The following SEZ6L variants were observed in gnomAD, a reference collection of about 807,000 sequenced individuals.
The protein encoded by SEZ6L is seizure related 6 homolog like.
In SEZ6L, 37 loss-of-function variants were observed where a neutral mutation model predicts 106.2. The ratio of observed to expected loss-of-function variants is 0.35; its 90% CI spans 0.27 to 0.46. The LOEUF (loss-of-function observed/expected upper bound fraction) is 0.46. SEZ6L is among the 20% of genes least tolerant of loss of function. The pLI is 1.00. For missense variants in SEZ6L, 1,172 were observed against 1,332.8 expected (o/e 0.88, Z 1.88); for synonymous variants, 541 against 570.4 (o/e 0.95, Z 0.73).
intron 1 of SEZ6L, among the ~76,000 whole-genome samples, chr22:26,252,103 A>G (rs1475312149): frequency 6.6e-6 from 1 of 152,112 alleles, no homozygotes; most frequent in East Asian, 1.9e-4. Flanking sequence ...AGAAATGCAG[A>G]CGCTTGGATC....
intron 9 of SEZ6L, among the ~76,000 whole-genome samples, chr22:26,327,185 C>T (rs532902585): frequency 1.1e-4 from 17 of 152,040 alleles, no homozygotes; most frequent in African/African-American, 4.1e-4. Flanking sequence ...TGCACACGTG[C>T]GTGTCTGTGT....
chr22:26,234,003 CT>C (rs1415053214), intron 1 of SEZ6L, among the ~76,000 whole-genome samples: 5 of 152,198 alleles, frequency 3.3e-5, no homozygotes, highest in African/African-American at 1.2e-4. Context: ...GGAAGTGAGG[CT>C]GGGAAGCCAG....
chr22:26,244,716 A>G (rs541917204), intron 1 of SEZ6L: 3 of 133,890 alleles, frequency 2.2e-5, no homozygotes, highest in East Asian at 2.3e-4. Context: ...AAAAGTTGGC[A>G]CTTTTTATTC....
At chr22:26,287,391 C>G (rs992280244) in intron 1 of SEZ6L, among the ~76,000 whole-genome samples, 1 of 152,072 alleles carries the variant, frequency 6.6e-6, no homozygotes, top group African/African-American at 2.4e-5. Context: ...AGTGAACACC[C>G]AACACTTTGA....
intron 10 of SEZ6L, among the ~76,000 whole-genome samples, chr22:26,345,965 T>C (rs2146001570): frequency 6.6e-6 from 1 of 152,286 alleles, no homozygotes; most frequent in East Asian, 1.9e-4. Context: ...TCACTAATGA[T>C]ATGCAATTGG....
chr22:26,332,147 G>GTTTTTTTTTTT (rs752520660), intron 9 of SEZ6L, among the ~76,000 whole-genome samples: 1 of 114,108 alleles, frequency 8.8e-6, no homozygotes, highest in African/African-American at 3.4e-5. Context: ...GATTTTCAAT[G>GTTTTTTTTTTT]TTTTTTTTTT....
chr22:26,331,266 T>C (rs1396828359), intron 9 of SEZ6L, among the ~76,000 whole-genome samples: 1 of 152,228 alleles, frequency 6.6e-6, no homozygotes, highest in Non-Finnish European at 1.5e-5. Flanking sequence ...TTGCATTCTA[T>C]CCTCACCTCT....
At chr22:26,361,195 T>A (rs1035560494) in intron 12 of SEZ6L, among the ~76,000 whole-genome samples, 4 of 152,074 alleles carry the variant, frequency 2.6e-5, no homozygotes, top group Non-Finnish European at 5.9e-5. Context: ...TCAATAGAAA[T>A]TTTTAAAAAT....
intron 9 of SEZ6L, among the ~76,000 whole-genome samples, chr22:26,325,395 A>T (rs1358617956): frequency 1.3e-5 from 2 of 152,218 alleles, no homozygotes; most frequent in South Asian, 4.1e-4. Context: ...ATGAGATCTG[A>T]GCATCATTAT....
intron 1 of SEZ6L, among the ~76,000 whole-genome samples, chr22:26,223,904 T>A (rs2078560479): frequency 6.6e-6 from 1 of 152,194 alleles, no homozygotes. Flanking sequence ...TGGTACAGTC[T>A]GGATCTGATA....
intron 9 of SEZ6L, among the ~76,000 whole-genome samples, 190 bp downstream of exon 9, chr22:26,314,092 A>T (rs1441519198): frequency 7.3e-6 from 1 of 137,108 alleles, no homozygotes; most frequent in African/African-American, 3.4e-5. Context: ...ACACACACAC[A>T]CACAGAGAGA....
chr22:26,249,854 A>G (rs1262964720), intron 1 of SEZ6L, among the ~76,000 whole-genome samples: 1 of 152,032 alleles, frequency 6.6e-6, no homozygotes, highest in East Asian at 1.9e-4. Context: ...TGTCTTTTTG[A>G]TAATAACCAT....
At chr22:26,321,496 T>A (rs1476106290) in intron 9 of SEZ6L, among the ~76,000 whole-genome samples, 1 of 152,194 alleles carries the variant, frequency 6.6e-6, no homozygotes, top group African/African-American at 2.4e-5. Context: ...CTGAGTCCTC[T>A]GGTCACCAGC....
intron 1 of SEZ6L, among the ~76,000 whole-genome samples, chr22:26,170,657 G>T (rs1432705994): frequency 6.6e-6 from 1 of 152,052 alleles, no homozygotes; most frequent in Non-Finnish European, 1.5e-5. Context: ...TAGAGAGAGG[G>T]GTGCAACGCC....
chr22:26,217,225 C>T (rs980085407), intron 1 of SEZ6L, among the ~76,000 whole-genome samples: 2 of 152,230 alleles, frequency 1.3e-5, no homozygotes, highest in African/African-American at 4.8e-5. Context: ...TCCCTTCCCA[C>T]CACCATAGTG....
chr22:26,354,264 T>C (rs655581), intron 12 of SEZ6L, among the ~76,000 whole-genome samples: 79,758 of 152,020 alleles, frequency 0.52, 21,475 homozygotes, highest in Admixed American at 0.58. Flanking sequence ...ATCCAATGAC[T>C]GGTGTCTTTG....
At chr22:26,202,975 C>T (rs1941066243) in intron 1 of SEZ6L, among the ~76,000 whole-genome samples, 1 of 152,226 alleles carries the variant, frequency 6.6e-6, no homozygotes, top group Admixed American at 6.5e-5. Flanking sequence ...TTGCAGACCA[C>T]TTTTATTTTT....
At chr22:26,279,188 T>G (rs977557768) in intron 1 of SEZ6L, among the ~76,000 whole-genome samples, 1 of 152,156 alleles carries the variant, frequency 6.6e-6, no homozygotes, top group Non-Finnish European at 1.5e-5. Flanking sequence ...TTAGGCAAGT[T>G]TTTTGAGTGT....
intron 1 of SEZ6L, among the ~76,000 whole-genome samples, chr22:26,250,575 T>C (rs79676483): frequency 6.6e-6 from 1 of 152,222 alleles, no homozygotes; most frequent in South Asian, 2.1e-4. Context: ...CTTTGCAGTA[T>C]ATTTTGAAGT....
Sources: gnomAD v4.1 joint callset for allele counts (sites outside exome capture counted in the v4.1 genomes callset) on GRCh38, gnomAD v4.1.1 for gene constraint, MANE v1.5 for transcripts, NCBI Gene and HGNC (gene_info 2026-07-23, HGNC 2026-07-21) for gene names.